EHBP1: variants seen among roughly 807,000 people sequenced by gnomAD.
EHBP1 encodes the protein EH domain-binding protein 1.
Under a neutral mutation model 144.0 loss-of-function variants are expected in EHBP1, and 55 were observed. The ratio of observed to expected loss-of-function variants is 0.38; its 90% confidence interval spans 0.31 to 0.48. The LOEUF (loss-of-function observed/expected upper bound fraction) is 0.48. Ranked by LOEUF, EHBP1 falls within the 20% of genes least tolerant of loss-of-function variation. The probability of loss-of-function intolerance (pLI) is 0.98; values close to 1 mark genes in which losing one functional copy is unlikely to be tolerated. For missense variants in EHBP1, 1,200 were observed against 1,364.2 expected (o/e 0.88, Z 1.90); for synonymous variants, 469 against 472.7 (o/e 0.99, Z 0.10).
chr2:62,684,888 C>T (rs566361158), intron 1 of EHBP1, among the ~76,000 whole-genome samples: 2 of 152,290 alleles, frequency 1.3e-5, no homozygotes, highest in African/African-American at 2.4e-5. Flanking sequence ...GGGTGACTTA[C>T]ACAGTGAAAT....
chr2:62,684,207 G>A (rs774297479), intron 1 of EHBP1, among the ~76,000 whole-genome samples: 5 of 152,036 alleles, frequency 3.3e-5, no homozygotes, highest in African/African-American at 7.2e-5. Context: ...CAAATATAAC[G>A]CCAAGCAATG....
intron 10 of EHBP1, among the ~76,000 whole-genome samples, chr2:62,940,942 A>T (rs2056719614): frequency 6.6e-6 from 1 of 152,156 alleles, no homozygotes; most frequent in South Asian, 2.1e-4. Context: ...TCTAGATCAT[A>T]ATATAGTGCT....
intron 10 of EHBP1, among the ~76,000 whole-genome samples, chr2:62,885,804 A>G (rs2051878499): frequency 6.6e-6 from 1 of 152,190 alleles, no homozygotes; most frequent in Non-Finnish European, 1.5e-5. Flanking sequence ...TCAAGTAGAG[A>G]AGGGCCCCCT....
chr2:62,956,875 T>C (rs559064834), intron 14 of EHBP1, among the ~76,000 whole-genome samples: 164 of 152,302 alleles, frequency 1.1e-3, no homozygotes, highest in African/African-American at 7.9e-4. Flanking sequence ...TTGGAACACC[T>C]ACATGTGGCC....
chr2:62,812,456 G>A (rs1255936412), intron 5 of EHBP1, among the ~76,000 whole-genome samples: 1 of 152,214 alleles, frequency 6.6e-6, no homozygotes, highest in Admixed American at 6.5e-5. Context: ...AGCATTGAGA[G>A]TAGTTTTGGT....
At chr2:62,687,852 A>G (rs561223530) in intron 1 of EHBP1, among the ~76,000 whole-genome samples, 1 of 152,182 alleles carries the variant, frequency 6.6e-6, no homozygotes, top group Admixed American at 6.5e-5. Context: ...GATTGAAAGA[A>G]AGATAGTAAG....
chr2:62,681,131 G>A (rs1232734697), intron 1 of EHBP1, among the ~76,000 whole-genome samples: 1 of 150,916 alleles, frequency 6.6e-6, no homozygotes, highest in Non-Finnish European at 1.5e-5. Flanking sequence ...TGGCCAACAT[G>A]GTGAAACCCC....
In EHBP1 at chr2:62,881,172, T is replaced by C. The variant is rs182317841; in HGVS notation, c.1185+6640T>C. Among the ~76,000 whole-genome samples, 160 of 152,066 alleles carry C rather than the reference T, an allele frequency of 1.1e-3. 3 individuals are homozygous for C. In the South Asian group the frequency reaches 0.029, roughly 28 times the overall value. ...ACCAAATACTGCATGTTGTCACTTA[T>C]AAGTAGGAGCTAAACATTAAGTACA... On this transcript the variant is annotated intron_variant, in intron 10 of 22. Transcript: ENST00000431489.
intron 10 of EHBP1, among the ~76,000 whole-genome samples, chr2:62,920,840 G>A (rs1020092847): frequency 7.3e-5 from 11 of 151,578 alleles, no homozygotes; most frequent in Non-Finnish European, 1.2e-4. Context: ...TTTTTGTGGG[G>A]TTTTTTTAAG....
rs779911558 is a variant in EHBP1, at chr2:62,864,781, A to G, written c.808A>G (p.Asn270Asp). 1.2e-6 allele frequency: 2 copies of G among 1,613,670 alleles called. No homozygotes were observed. Among genetic ancestry groups the G allele is most frequent in the South Asian group, 2.2e-5 (2 of 90,852 alleles). Residue 270 changes from asparagine (N) to aspartate (D), a missense_variant, in exon 9 of 23, where the codon AAT (asparagine) becomes GAT (aspartate). Coordinates refer to ENST00000431489, the MANE Select transcript of EHBP1 (RefSeq NM_001142616.3). ...TAGAAAAACAGAAGACTCTTTTTATAATAACAGCTATAATCCCTTTAAAGA... is the reference window on the plus strand; with the variant it reads ...TAGAAAAACAGAAGACTCTTTTTATGATAACAGCTATAATCCCTTTAAAGA... ...SPRKTEDSFY[N>D]NSYNPFKEVQ...
At chr2:62,997,845 T>C (rs1302220695) in intron 19 of EHBP1, among the ~76,000 whole-genome samples, 1 of 152,150 alleles carries the variant, frequency 6.6e-6, no homozygotes, top group Admixed American at 6.5e-5. Flanking sequence ...CTGTGTTCTC[T>C]GAAGTCCTAA....
intron 7 of EHBP1, among the ~76,000 whole-genome samples, chr2:62,853,507 C>G (rs1375542409): frequency 6.6e-6 from 1 of 152,206 alleles, no homozygotes; most frequent in Non-Finnish European, 1.5e-5. Context: ...TTGAACGTCT[C>G]AGAGTCAACC....
intron 19 of EHBP1, among the ~76,000 whole-genome samples, chr2:63,026,691 TGTG>T (rs2060998422): frequency 6.6e-6 from 1 of 152,194 alleles, no homozygotes; most frequent in Non-Finnish European, 1.5e-5. Flanking sequence ...ACAGGTAACT[TGTG>T]GTTACCCAAG....
chr2:62,759,816 T>C (rs2040616715), intron 3 of EHBP1, among the ~76,000 whole-genome samples: 1 of 152,266 alleles, frequency 6.6e-6, no homozygotes, highest in East Asian at 1.9e-4. Flanking sequence ...TGTATTAAAC[T>C]TGTCATTCTT....
chr2:62,725,799 G>T (rs1051284921), intron 2 of EHBP1, among the ~76,000 whole-genome samples: 2 of 152,176 alleles, frequency 1.3e-5, no homozygotes, highest in African/African-American at 4.8e-5. Flanking sequence ...AGCGATGTGG[G>T]GGGTTGTCAT....
chr2:62,886,583 A>G (rs140439115), intron 10 of EHBP1, among the ~76,000 whole-genome samples: 28 of 152,322 alleles, frequency 1.8e-4, no homozygotes, highest in Non-Finnish European at 3.2e-4. Context: ...AGAAAGGATA[A>G]AGTTACAAAG....
At chr2:62,729,458 AATATATAAATATATAAAAAT>A (rs1260608607) in intron 2 of EHBP1, among the ~76,000 whole-genome samples, 1 of 114,488 alleles carries the variant, frequency 8.7e-6, no homozygotes, top group African/African-American at 3.5e-5. Flanking sequence ...ATAAATATAT[AATATATAAATATATAAAAAT>A]ATATATAAAT....
intron 14 of EHBP1, among the ~76,000 whole-genome samples, chr2:62,975,893 C>T (rs1284306801): frequency 1.8e-4 from 16 of 88,486 alleles, no homozygotes; most frequent in African/African-American, 7.2e-4. Context: ...TATGTACACA[C>T]ACACACACAC....
At chr2:62,987,835 A>G (rs1383436355) in intron 15 of EHBP1, 2 of 638,876 alleles carry the variant, frequency 3.1e-6, no homozygotes, top group Non-Finnish European at 5.1e-6. Context: ...AATTTGAATA[A>G]CTATACTAAA....
Sources: allele counts gnomAD v4.1 joint callset (sites outside exome capture counted in the v4.1 genomes callset), GRCh38; gene constraint gnomAD v4.1.1; transcripts MANE v1.5; gene names NCBI Gene and HGNC (gene_info 2026-07-23, HGNC 2026-07-21).